Variants in WWOX observed in about 807,000 individuals in gnomAD.
WWOX encodes WW domain-containing oxidoreductase.
Under a neutral mutation model 46.2 loss-of-function variants are expected in WWOX, and 69 were observed. The observed-to-expected ratio is 1.49, with a 90% CI of 1.23 to 1.82. The LOEUF is 1.82. Ranked by LOEUF, WWOX falls within the 40% of genes most tolerant of loss-of-function variation. The probability of loss-of-function intolerance (pLI) is 0.00; values close to 1 mark genes in which losing one functional copy is unlikely to be tolerated. For missense variants in WWOX, 919 were observed against 542.6 expected, an observed-to-expected ratio of 1.69 and a Z score of -6.89; for synonymous variants, 359 against 202.6, an observed-to-expected ratio of 1.77 and a Z score of -6.56.
intron 4 of WWOX, among the ~76,000 whole-genome samples, chr16:78,149,659 G>A (rs2034329556): frequency 6.6e-6 from 1 of 152,148 alleles, no homozygotes. Context: ...TGCTTAGTAG[G>A]TTTAGCTTAA....
chr16:78,706,783 A>G (rs1862825), intron 8 of WWOX, among the ~76,000 whole-genome samples: 4 of 151,848 alleles, frequency 2.6e-5, no homozygotes, highest in Non-Finnish European at 5.9e-5. Context: ...TACCCTTGCA[A>G]CTGACTCAGG....
At chr16:79,012,233 A>G (rs776341857) in intron 8 of WWOX, among the ~76,000 whole-genome samples, 1 of 151,826 alleles carries the variant, frequency 6.6e-6, no homozygotes, top group Non-Finnish European at 1.5e-5. Flanking sequence ...CTAGTATGAC[A>G]TCTTAATTTT....
intron 8 of WWOX, among the ~76,000 whole-genome samples, chr16:78,987,513 T>C (rs778331400): frequency 6.6e-6 from 1 of 152,210 alleles, no homozygotes; most frequent in Non-Finnish European, 1.5e-5. Flanking sequence ...GGGTTTCTCA[T>C]TTTTTAATCC....
At chr16:78,298,657 G>GGC (rs2079984014) in intron 5 of WWOX, among the ~76,000 whole-genome samples, 2 of 152,114 alleles carry the variant, frequency 1.3e-5, no homozygotes, top group South Asian at 4.1e-4. Context: ...CACGCTTAGT[G>GGC]GCACATGCCT....
intron 8 of WWOX, among the ~76,000 whole-genome samples, chr16:78,905,842 C>T (rs139928899): frequency 6.6e-6 from 1 of 152,258 alleles, no homozygotes; most frequent in Non-Finnish European, 1.5e-5. Context: ...ATGCTAGTTG[C>T]ATCAAACACG....
chr16:79,124,586 C>A (rs2049710919), intron 8 of WWOX, among the ~76,000 whole-genome samples: 1 of 152,028 alleles, frequency 6.6e-6, no homozygotes, highest in South Asian at 2.1e-4. Context: ...CCTGTCCCAG[C>A]CATAGAAAGA....
At chr16:78,858,420 T>A (rs2052620647) in intron 8 of WWOX, among the ~76,000 whole-genome samples, 1 of 152,042 alleles carries the variant, frequency 6.6e-6, no homozygotes, top group African/African-American at 2.4e-5. Flanking sequence ...CATGATATAA[T>A]TTTGAGTTGG....
chr16:78,691,339 A>G (rs2047983304), intron 8 of WWOX: 3 of 699,196 alleles, frequency 4.3e-6, no homozygotes, highest in South Asian at 3.0e-5. Context: ...CATTTTCAAC[A>G]TAGCTTTATC....
chr16:78,703,096 G>T (rs1450351871), intron 8 of WWOX, among the ~76,000 whole-genome samples: 2 of 152,274 alleles, frequency 1.3e-5, no homozygotes, highest in East Asian at 3.9e-4. Context: ...TAGGTAGAGG[G>T]CTGCAGGGAC....
intron 8 of WWOX, among the ~76,000 whole-genome samples, chr16:78,520,142 C>T (rs1181319193): frequency 2.0e-5 from 3 of 152,208 alleles, no homozygotes; most frequent in African/African-American, 4.8e-5. Flanking sequence ...TCCTTGTTCG[C>T]ATGTCCAGTC....
At chr16:78,423,398 A>G (rs1249250487) in intron 6 of WWOX, among the ~76,000 whole-genome samples, 1 of 152,136 alleles carries the variant, frequency 6.6e-6, no homozygotes, top group African/African-American at 2.4e-5. Flanking sequence ...TGGTATATTT[A>G]GTTTACTTTA....
At chr16:78,995,015 C>T (rs892496286) in intron 8 of WWOX, among the ~76,000 whole-genome samples, 3 of 120,570 alleles carry the variant, frequency 2.5e-5, no homozygotes, top group Non-Finnish European at 4.9e-5. Flanking sequence ...TCTCTCCTTT[C>T]CCATTATGCA....
At chr16:78,313,657 C>G (rs147747054) in intron 5 of WWOX, among the ~76,000 whole-genome samples, 1 of 152,186 alleles carries the variant, frequency 6.6e-6, no homozygotes, top group Non-Finnish European at 1.5e-5. Context: ...TGAGCCACTG[C>G]GTCAGGCCTA....
chr16:78,827,046 G>A (rs183318204), intron 8 of WWOX, among the ~76,000 whole-genome samples: 217 of 152,254 alleles, frequency 1.4e-3, no homozygotes, highest in African/African-American at 5.1e-3. Context: ...TATAGATGGT[G>A]CAAGGGAACC....
chr16:78,364,607 A>C (rs1419436211), intron 5 of WWOX, among the ~76,000 whole-genome samples: 1 of 151,676 alleles, frequency 6.6e-6, no homozygotes. Context: ...AATAAAAATA[A>C]ACTGTTTGTC....
At chr16:78,392,392 C>G (rs926271569) in intron 6 of WWOX, among the ~76,000 whole-genome samples, 2 of 151,932 alleles carry the variant, frequency 1.3e-5, no homozygotes, top group Non-Finnish European at 2.9e-5. Context: ...GGAAAACAAG[C>G]TCAGGGCTCC....
intron 8 of WWOX, among the ~76,000 whole-genome samples, chr16:79,041,379 C>A (rs773807691): frequency 6.6e-6 from 1 of 152,118 alleles, no homozygotes. Flanking sequence ...ATGCCCATTC[C>A]CTGATATAAG....
At chr16:78,827,221 C>A (rs1465417724) in intron 8 of WWOX, among the ~76,000 whole-genome samples, 1 of 152,186 alleles carries the variant, frequency 6.6e-6, no homozygotes, top group African/African-American at 2.4e-5. Flanking sequence ...AATGGCTGAT[C>A]CTCTAAGACA....
At chr16:78,975,221 G>C (rs574417292) in intron 8 of WWOX, among the ~76,000 whole-genome samples, 1 of 152,278 alleles carries the variant, frequency 6.6e-6, no homozygotes, top group Admixed American at 6.5e-5. Flanking sequence ...CTGGTTCAAG[G>C]GTTCTCAGAT....
Sources: gnomAD v4.1 joint callset for allele counts (sites outside exome capture counted in the v4.1 genomes callset) on GRCh38, gnomAD v4.1.1 for gene constraint, MANE v1.5 for transcripts, NCBI Gene and HGNC (gene_info 2026-07-23, HGNC 2026-07-21) for gene names.